The following CD200R1L variants were observed in gnomAD, a reference collection of about 807,000 sequenced individuals.
CD200R1L encodes the protein CD200 receptor 1 like.
CD200R1L carries 14 observed loss-of-function variants against 24.8 expected under a neutral mutation model. The observed-to-expected ratio is 0.56, with a 90% CI of 0.37 to 0.88. The LOEUF is 0.88. Among genes scored for constraint, CD200R1L ranks in the 40% least tolerant of loss-of-function variants. CD200R1L has a pLI of 0.00. For synonymous variants in CD200R1L, 111 were observed against 109.2 expected (o/e 1.02, Z -0.11); for missense variants, 299 against 297.8 (o/e 1.00, Z -0.03).
At chr3:112,829,062 C>T (rs558685574) in intron 4 of CD200R1L, among the ~76,000 whole-genome samples, 5 of 152,334 alleles carry the variant, frequency 3.3e-5, no homozygotes, top group South Asian at 2.1e-4. Context: ...AGGACTTTAA[C>T]GCAGACCTGA....
At chr3:112,835,203 TG>T (rs1938907528) in intron 3 of CD200R1L, among the ~76,000 whole-genome samples, 1 of 152,054 alleles carries the variant, frequency 6.6e-6, no homozygotes, top group Non-Finnish European at 1.5e-5. Flanking sequence ...CTTTATTGAG[TG>T]ATAGAACAGC....
At chr3:112,836,559 C>G (rs1269818603) in intron 3 of CD200R1L, among the ~76,000 whole-genome samples, 1 of 152,222 alleles carries the variant, frequency 6.6e-6, no homozygotes. Context: ...AAGACTCAGT[C>G]TTGCTGTGGA....
Position 112,844,385 on chromosome 3 carries a change from C to A in CD200R1L, c.-87+1294G>T, listed in dbSNP as rs955319038. On this transcript the variant is annotated intron_variant, in intron 2 of 7. Transcript: ENST00000488794. Reference sequence around the variant, plus strand: ...GTGGAATAAAAATAGAAATCAATATCAAGCATGTCTCTGAAAACTATACAA... The same window carrying A: ...GTGGAATAAAAATAGAAATCAATATAAAGCATGTCTCTGAAAACTATACAA... 3.3e-5 allele frequency among the ~76,000 whole-genome samples: 5 copies of A among 152,154 alleles called. No individual in the cohort carries two copies. In the South Asian group the frequency reaches 8.3e-4, roughly 25 times the overall value.
chr3:112,827,032 A>C lies in CD200R1L; in HGVS notation c.577T>G (p.Leu193Val). 6.2e-7 allele frequency: 1 copy of C among 1,612,118 alleles called. No individual in the cohort carries two copies. Among genetic ancestry groups the C allele is most frequent in the South Asian group, 1.1e-5 (1 of 90,882 alleles). The change falls in exon 6 of 8, where the codon TTG becomes GTG. Residue 193 changes from leucine (L) to valine (V), a missense_variant. By Grantham distance (32) the Leu-to-Val change is conservative. Coordinates refer to ENST00000488794, the MANE Select transcript of CD200R1L (RefSeq NM_001199215.3). ...KSTVTCHVSH[L>V]TGNKSLSVKL... ...ACGGACAGACTCTTGTTGCCAGTCA[A>C]ATGGGAGACATGGCAGGTCACAGTA...
At position 112,845,448 on chromosome 3, in the gene CD200R1L, AG is replaced by A. The variant is rs556677985; in HGVS notation, c.-87+230del. Among the ~76,000 whole-genome samples, 135 of 152,320 alleles carry A rather than the reference AG, an allele frequency of 8.9e-4. 2 individuals are homozygous for A. Among genetic ancestry groups the A allele is most frequent in the African/African-American group, 3.1e-3 (127 of 41,574 alleles). On this transcript the variant is annotated intron_variant, in intron 2 of 7. Coordinates refer to ENST00000488794, the MANE Select transcript of CD200R1L (RefSeq NM_001199215.3). ...GACCACTTTTAGGTCACAAAATTTTAGTTTCACTTCAATCCCAGCCCCCAAT... is the reference window on the plus strand; with the variant it reads ...GACCACTTTTAGGTCACAAAATTTTATTTCACTTCAATCCCAGCCCCCAAT...
rs1939190213 is a variant in CD200R1L at position 112,845,826 on chromosome 3, C to T, written c.-234G>A. 6.8e-6 allele frequency: 6 copies of T among 876,668 alleles called. No individual in the cohort carries two copies. Among genetic ancestry groups the T allele is most frequent in the Middle Eastern group, 2.3e-4 (1 of 4,420 alleles). 54.3% of individuals were successfully genotyped at this position (876,668 alleles called of 1,614,324 possible). A position where few individuals can be genotyped will look rare whatever the true frequency, so the allele number is the denominator to read the frequency against. ...AATCTGTTTCTCTTGGTCACTTTTGCTTATTCTGTCTTCAACAGGATTGCA... is the reference window on the plus strand; with the variant it reads ...AATCTGTTTCTCTTGGTCACTTTTGTTTATTCTGTCTTCAACAGGATTGCA... On this transcript the variant is annotated 5_prime_UTR_variant, in exon 2 of 8. Transcript: ENST00000488794.
intron 2 of CD200R1L, among the ~76,000 whole-genome samples, chr3:112,841,919 C>A (rs1476194861): frequency 6.6e-6 from 1 of 152,224 alleles, no homozygotes; most frequent in African/African-American, 2.4e-5. Flanking sequence ...CCCCCACTCT[C>A]AGAACACTGA....
At chr3:112,825,421 ATAT>A (rs1938635536) in intron 6 of CD200R1L, among the ~76,000 whole-genome samples, 1 of 148,592 alleles carries the variant, frequency 6.7e-6, no homozygotes, top group African/African-American at 2.4e-5. Flanking sequence ...ATAAAATTAT[ATAT>A]TATTAGATAT....
At chr3:112,834,939 G>T (rs867733808) in intron 3 of CD200R1L, among the ~76,000 whole-genome samples, 18 of 152,328 alleles carry the variant, frequency 1.2e-4, no homozygotes, top group Middle Eastern at 6.8e-3. Context: ...ACCAGGAACT[G>T]CAGAGCCCTA....
chr3:112,845,939 C>T lies in CD200R1L; in HGVS notation c.-347G>A, dbSNP rs1939192739. On this transcript the variant is annotated 5_prime_UTR_variant, in exon 2 of 8. Coordinates refer to ENST00000488794, the MANE Select transcript of CD200R1L (RefSeq NM_001199215.3). ...CTGATTAACCACTGATGGGAAATGT[C>T]AGTGAGTTTTGCTGTGTAATAAAGC... 2 of 521,294 alleles carry T rather than the reference C, an allele frequency of 3.8e-6. No homozygotes were observed. 32.3% of individuals were successfully genotyped at this position (521,294 alleles called of 1,614,324 possible). A position where few individuals can be genotyped will look rare whatever the true frequency, so the allele number is the denominator to read the frequency against.
rs1258924670 is a variant in CD200R1L at position 112,845,747 on chromosome 3, A to T, written c.-155T>A. The T allele has an allele frequency of 6.2e-7, 1 of 1,604,782 alleles. No individual in the cohort carries two copies. The highest frequency in any genetic ancestry group is 1.1e-5 in the South Asian group (1 of 90,500). On this transcript the variant is annotated 5_prime_UTR_variant, in exon 2 of 8. Coordinates refer to ENST00000488794, the MANE Select transcript of CD200R1L (RefSeq NM_001199215.3). The stretch of plus-strand genomic sequence containing the variant: ...CATCTTCCCTAAAGTATGCTTTTGG[A>T]GTGGTTTTCTACTTAAACATAAATC...
chr3:112,821,711 G>A (rs573346856), intron 6 of CD200R1L, among the ~76,000 whole-genome samples: 1 of 152,056 alleles, frequency 6.6e-6, no homozygotes, highest in Non-Finnish European at 1.5e-5. Context: ...CCTAAACCTT[G>A]GCAAAATGAA....
At chr3:112,816,545 A>G (rs1460700352) in intron 7 of CD200R1L, among the ~76,000 whole-genome samples, 1 of 152,182 alleles carries the variant, frequency 6.6e-6, no homozygotes, top group Non-Finnish European at 1.5e-5. Context: ...ACATGGATAG[A>G]CGGAGAGGTG....
At chr3:112,832,730 G>A (rs927901864) in intron 3 of CD200R1L, among the ~76,000 whole-genome samples, 19 of 152,166 alleles carry the variant, frequency 1.2e-4, no homozygotes, top group Non-Finnish European at 2.9e-5. Context: ...GCAGTATGTG[G>A]TTATTGATCT....
At chr3:112,843,744 C>T (rs963844213) in intron 2 of CD200R1L, among the ~76,000 whole-genome samples, 3 of 152,158 alleles carry the variant, frequency 2.0e-5, no homozygotes, top group African/African-American at 2.4e-5. Flanking sequence ...ACTTAAAAGG[C>T]ACAGAGTGGC....
intron 2 of CD200R1L, among the ~76,000 whole-genome samples, chr3:112,838,739 T>C (rs1939017376): frequency 2.0e-5 from 3 of 152,210 alleles, no homozygotes; most frequent in African/African-American, 7.2e-5. Flanking sequence ...TAGAGTATAG[T>C]ATTCAATCAT....
rs528743358 is a variant in CD200R1L, at chr3:112,816,637, G to A, written c.741-662C>T. 2.1e-3 allele frequency among the ~76,000 whole-genome samples: 321 copies of A among 152,284 alleles called. 1 individual carries two copies. The highest frequency in any genetic ancestry group is 0.012 in the South Asian group (57 of 4,824). ...ATTGGACCAGTGATATGGCTTGGCT[G>A]TGTCCTCACCCAAATTTCATCTTGA... On this transcript the variant is annotated intron_variant, in intron 7 of 7. Coordinates refer to ENST00000488794, the MANE Select transcript of CD200R1L (RefSeq NM_001199215.3).
At chr3:112,846,034 A>C in intron 1 of CD200R1L, 84 bp from the exon 2 acceptor site, 1 of 256,514 alleles carries the variant, frequency 3.9e-6, no homozygotes, top group East Asian at 8.1e-5. Flanking sequence ...CTATATAACA[A>C]CTCATTTAAA....
intron 6 of CD200R1L, among the ~76,000 whole-genome samples, chr3:112,825,132 G>A (rs1173305577): frequency 4.0e-5 from 6 of 151,892 alleles, no homozygotes; most frequent in Admixed American, 6.6e-5. Flanking sequence ...CCAGCTACTC[G>A]GGAGGCTGAG....
Sources: allele counts gnomAD v4.1 joint callset (sites outside exome capture counted in the v4.1 genomes callset), GRCh38; gene constraint gnomAD v4.1.1; transcripts MANE v1.5; gene names NCBI Gene and HGNC (gene_info 2026-07-23, HGNC 2026-07-21).